The following C1QTNF3 variants were observed in gnomAD, a reference collection of about 807,000 sequenced individuals.
C1QTNF3 encodes the protein C1q and TNF related 3.
C1QTNF3 carries 26 observed loss-of-function variants against 32.6 expected under a neutral mutation model. The observed-to-expected ratio is 0.80, with a 90% CI of 0.58 to 1.11. C1QTNF3 has a LOEUF of 1.11. Among genes scored for constraint, C1QTNF3 ranks in the 50% least tolerant of loss-of-function variants. The pLI is 0.00. For synonymous variants in C1QTNF3, 155 were observed against 146.0 expected, an observed-to-expected ratio of 1.06 and a Z score of -0.44; for missense variants, 362 against 398.2, an observed-to-expected ratio of 0.91 and a Z score of 0.77.
At chr5:34,035,881 A>T (rs2112116478) in intron 1 of C1QTNF3, 123 bp from the exon 2 acceptor site, 2 of 699,798 alleles carry the variant, frequency 2.9e-6, no homozygotes, top group Non-Finnish European at 4.8e-6. Context: ...GCAAGATCAC[A>T]AAAGATGGGA....
the C1QTNF3 span, among the ~76,000 whole-genome samples, chr5:34,226,778 C>T: frequency 1.3e-5 from 2 of 151,588 alleles, no homozygotes; most frequent in African/African-American, 4.8e-5. Flanking sequence ...GTATTTTACA[C>T]TGTAGTTTTA....
At chr5:34,225,025 T>G in the C1QTNF3 span, among the ~76,000 whole-genome samples, 1 of 152,078 alleles carries the variant, frequency 6.6e-6, no homozygotes, top group Non-Finnish European at 1.5e-5. Context: ...AAGAAGATAT[T>G]TATGCAGCCA....
upstream of C1QTNF3, among the ~76,000 whole-genome samples, chr5:34,046,375 A>T (rs1295197252): frequency 1.3e-5 from 2 of 152,236 alleles, no homozygotes; most frequent in Middle Eastern, 3.2e-3. Context: ...TCAACTTAAG[A>T]TGAGGTCATT....
chr5:34,214,293 A>G, the C1QTNF3 span, among the ~76,000 whole-genome samples: 1 of 152,040 alleles, frequency 6.6e-6, no homozygotes, highest in Non-Finnish European at 1.5e-5. Flanking sequence ...AATTAGCTAT[A>G]TAAATATTTA....
chr5:34,084,409 A>C, the C1QTNF3 span, among the ~76,000 whole-genome samples: 1 of 151,798 alleles, frequency 6.6e-6, no homozygotes, highest in Non-Finnish European at 1.5e-5. Context: ...AGAGCAATAA[A>C]GATAAACGTA....
At chr5:34,044,007 A>G (rs1754937515), upstream of C1QTNF3, among the ~76,000 whole-genome samples, 1 of 152,150 alleles carries the variant, frequency 6.6e-6, no homozygotes, top group African/African-American at 2.4e-5. Flanking sequence ...AGAGCCCAAG[A>G]CAGGTAGATC....
At chr5:34,157,375 T>C in the C1QTNF3 span, among the ~76,000 whole-genome samples, 2 of 152,194 alleles carry the variant, frequency 1.3e-5, no homozygotes, top group East Asian at 3.9e-4. Context: ...AAAATCATTA[T>C]TGAGAAAGAC....
chr5:34,063,585 T>C, the C1QTNF3 span, among the ~76,000 whole-genome samples: 1 of 152,060 alleles, frequency 6.6e-6, no homozygotes, highest in Non-Finnish European at 1.5e-5. Context: ...GGGAGAGCAA[T>C]CTTCCTAGCC....
chr5:34,112,789 C>A, the C1QTNF3 span, among the ~76,000 whole-genome samples: 64 of 152,252 alleles, frequency 4.2e-4, no homozygotes, highest in African/African-American at 1.4e-3. Context: ...AATAACTAGG[C>A]AATCACAATA....
the C1QTNF3 span, among the ~76,000 whole-genome samples, chr5:34,119,909 G>A: frequency 2.0e-5 from 3 of 152,130 alleles, no homozygotes; most frequent in Admixed American, 1.3e-4. Flanking sequence ...TCCCTTAAGC[G>A]ATGTAACATA....
Position 34,020,678 on chromosome 5 carries a change from C to T in C1QTNF3, c.865G>A (p.Asp289Asn). The T allele has an allele frequency of 6.2e-7, 1 of 1,614,180 alleles. No homozygotes were observed. Among genetic ancestry groups the T allele is most frequent in the South Asian group, 1.1e-5 (1 of 91,084 alleles). ...NHAVLKLAKG[D>N]EVWLRMGNGA... Reference sequence around the variant, plus strand: ...TTGCCCATTCGCAGCCAAACCTCATCCCCTTTGGCTAGCTTCAGCACAGCA... The same window carrying T: ...TTGCCCATTCGCAGCCAAACCTCATTCCCTTTGGCTAGCTTCAGCACAGCA... The change falls in exon 6 of 6, where the codon GAT (aspartate) becomes AAT (asparagine). Residue 289 changes from aspartate to asparagine, a missense_variant. Transcript: ENST00000382065.
the C1QTNF3 span, among the ~76,000 whole-genome samples, chr5:34,072,052 G>C: frequency 6.6e-6 from 1 of 151,824 alleles, no homozygotes; most frequent in Non-Finnish European, 1.5e-5. Context: ...CTAAACTTTT[G>C]ATAAGAAAGA....
chr5:34,098,674 T>A, the C1QTNF3 span, among the ~76,000 whole-genome samples: 1 of 151,692 alleles, frequency 6.6e-6, no homozygotes, highest in Non-Finnish European at 1.5e-5. Flanking sequence ...CTCTAGTGGA[T>A]CCTCACTGAG....
At chr5:34,231,234 A>G in the C1QTNF3 span, among the ~76,000 whole-genome samples, 1 of 152,238 alleles carries the variant, frequency 6.6e-6, no homozygotes, top group African/African-American at 2.4e-5. Context: ...ATGTTAGTTC[A>G]GGTCATCTTT....
chr5:34,153,491 T>G, the C1QTNF3 span, among the ~76,000 whole-genome samples: 1 of 1,558 alleles, frequency 6.4e-4, no homozygotes. Flanking sequence ...ATTAAGAAAA[T>G]GTGGCACATA....
the C1QTNF3 span, among the ~76,000 whole-genome samples, chr5:34,208,622 G>GA: frequency 6.6e-6 from 1 of 151,572 alleles, no homozygotes; most frequent in Non-Finnish European, 1.5e-5. Context: ...ACCTATAATT[G>GA]AAAATACCTT....
the C1QTNF3 span, among the ~76,000 whole-genome samples, chr5:34,048,750 C>A: frequency 1.3e-4 from 19 of 151,816 alleles, no homozygotes; most frequent in African/African-American, 4.1e-4. Context: ...TCTGTCACCC[C>A]CTATGGGTTG....
intron 4 of C1QTNF3, among the ~76,000 whole-genome samples, chr5:34,024,644 A>T (rs1754418016): frequency 6.6e-6 from 1 of 152,204 alleles, no homozygotes; most frequent in African/African-American, 2.4e-5. Context: ...TATCCTCTTC[A>T]TTTGGAAAAG....
chr5:34,133,902 T>C, the C1QTNF3 span, among the ~76,000 whole-genome samples: 1 of 152,230 alleles, frequency 6.6e-6, no homozygotes, highest in Non-Finnish European at 1.5e-5. Flanking sequence ...CCAGGATGTG[T>C]TTTCAGTAAT....
Sources: gnomAD v4.1 joint callset for allele counts (sites outside exome capture counted in the v4.1 genomes callset) on GRCh38, gnomAD v4.1.1 for gene constraint, MANE v1.5 for transcripts, NCBI Gene and HGNC (gene_info 2026-07-23, HGNC 2026-07-21) for gene names.